PLD3: variants seen among roughly 807,000 people sequenced by gnomAD.
The protein encoded by PLD3 is 5'-3' exonuclease PLD3.
Under a neutral mutation model 58.4 loss-of-function variants are expected in PLD3, and 31 were observed. The ratio of observed to expected loss-of-function variants is 0.53; its 90% CI spans 0.40 to 0.72. The LOEUF (loss-of-function observed/expected upper bound fraction) is 0.72. Among genes scored for constraint, PLD3 ranks in the 30% least tolerant of loss-of-function variants. The probability of loss-of-function intolerance (pLI) is 0.00; values close to 1 mark genes in which losing one functional copy is unlikely to be tolerated. For missense variants in PLD3, 595 were observed against 659.8 expected, an observed-to-expected ratio of 0.90 and a Z score of 1.08; for synonymous variants, 264 against 273.4, an observed-to-expected ratio of 0.97 and a Z score of 0.34.
At chr19:40,361,360 C>T (rs761877181) in intron 1 of PLD3, among the ~76,000 whole-genome samples, 10 of 152,096 alleles carry the variant, frequency 6.6e-5, no homozygotes, top group Non-Finnish European at 1.5e-4. Context: ...ATCCGCCCAC[C>T]TTGGCCTCCC....
At chr19:40,355,430 A>G (rs2078631411) in intron 1 of PLD3, among the ~76,000 whole-genome samples, 1 of 150,654 alleles carries the variant, frequency 6.6e-6, no homozygotes, top group African/African-American at 2.4e-5. Flanking sequence ...CTCCTGCCTC[A>G]CCCTCCCAAG....
At chr19:40,358,773 A>T (rs965416414) in intron 1 of PLD3, 2 of 152,272 alleles carry the variant, frequency 1.3e-5, no homozygotes, top group African/African-American at 4.8e-5. Context: ...ACTCAGCAAG[A>T]AAGTGGCAGA....
At chr19:40,349,699 C>G (rs1472925427) in intron 1 of PLD3, among the ~76,000 whole-genome samples, 2 of 152,202 alleles carry the variant, frequency 1.3e-5, no homozygotes, top group Non-Finnish European at 2.9e-5. Context: ...TGGCTCATGC[C>G]TGTAATCCCA....
intron 1 of PLD3, among the ~76,000 whole-genome samples, chr19:40,351,784 G>A (rs2078522044): frequency 6.6e-6 from 1 of 152,198 alleles, no homozygotes; most frequent in African/African-American, 2.4e-5. Context: ...TGAGGTGGGT[G>A]CCACAGGAGG....
At chr19:40,374,740 C>G (rs1228105326) in intron 10 of PLD3, 120 bp downstream of exon 10, 2 of 1,055,206 alleles carry the variant, frequency 1.9e-6, no homozygotes. Flanking sequence ...AGAGAAGCTG[C>G]AGGGAGAGAC....
chr19:40,364,269 G>A (rs1448321599), intron 1 of PLD3, among the ~76,000 whole-genome samples: 4 of 151,978 alleles, frequency 2.6e-5, no homozygotes, highest in Admixed American at 6.6e-5. Context: ...CAGGAGAATC[G>A]CTTGAAACCA....
At chr19:40,366,115 C>G in intron 2 of PLD3, 185 bp downstream of exon 2, 1 of 353,298 alleles carries the variant, frequency 2.8e-6, no homozygotes, top group Non-Finnish European at 5.2e-6. Context: ...CCTCATCCAG[C>G]GCTGCCTTTC....
chr19:40,374,212 G>C (rs2079136065), intron 9 of PLD3, among the ~76,000 whole-genome samples: 1 of 152,132 alleles, frequency 6.6e-6, no homozygotes, highest in African/African-American at 2.4e-5. Context: ...GAAGCACTGG[G>C]TTAGAGCATA....
In PLD3 at chr19:40,375,383, G is replaced by T. The variant is rs149304829; in HGVS notation, c.1019+763G>T. ...GGATAACAACCGGCCGGACGTGGTGGCTCACACCTGTAATCCCAGCACTTT... is the reference window on the plus strand; with the variant it reads ...GGATAACAACCGGCCGGACGTGGTGTCTCACACCTGTAATCCCAGCACTTT... On this transcript the variant is annotated intron_variant, in intron 10 of 12. Coordinates refer to ENST00000409735, the MANE Select transcript of PLD3 (RefSeq NM_012268.4). Among the ~76,000 whole-genome samples, 310 of 152,014 alleles carry T rather than the reference G, an allele frequency of 2.0e-3. 1 individual carries two copies. Among genetic ancestry groups the T allele is most frequent in the African/African-American group, 7.3e-3 (301 of 41,470 alleles).
chr19:40,374,669 G>A (rs569593658), intron 10 of PLD3, 49 bp downstream of exon 10: 10 of 1,607,538 alleles, frequency 6.2e-6, no homozygotes, highest in Admixed American at 3.3e-5. Flanking sequence ...GCCAGGAGAC[G>A]GGAGAGGGAA....
At position 40,378,045 on chromosome 19, in the gene PLD3, AC is replaced by A; in HGVS notation, c.1346del (p.Thr449SerfsTer17). On this transcript the variant is annotated frameshift_variant, in exon 13 of 13. Transcript: ENST00000409735. LOFTEE classifies it high-confidence loss of function. ...TETAGTSLLVTQNGRGGLRSQ... is the reference protein window; with the variant it reads ...TETAGTSLLVXQNGRGGLRSQ... ...GACGGCGGGCACCTCGCTGCTGGTG[AC>A]GCAGAATGGGAGGGGCGGCCTGCGG... The A allele has an allele frequency of 6.2e-7, 1 of 1,613,848 alleles. No individual in the cohort carries two copies. Among genetic ancestry groups the A allele is most frequent in the Non-Finnish European group, 8.5e-7 (1 of 1,179,862 alleles).
chr19:40,371,834 G>T lies in PLD3; in HGVS notation c.840G>T (p.Glu280Asp), dbSNP rs765927354. 6.2e-7 allele frequency: 1 copy of T among 1,614,150 alleles called. No individual in the cohort carries two copies. Among genetic ancestry groups the T allele is most frequent in the Admixed American group, 1.7e-5 (1 of 60,014 alleles). The change falls in exon 9 of 13, where the codon GAG becomes GAT. Residue 280 changes from glutamate (E) to aspartate (D), a missense_variant. Transcript: ENST00000409735. The part of the protein sequence containing the change: ...DTRYNQETPM[E>D]ICLNGTPALA... The stretch of plus-strand genomic sequence containing the variant: ...GCTACAACCAAGAGACACCAATGGA[G>T]ATCTGCCTCAATGGAACCCCTGCTC...
chr19:40,351,146 G>A (rs565131261), intron 1 of PLD3, among the ~76,000 whole-genome samples: 6 of 152,086 alleles, frequency 3.9e-5, no homozygotes, highest in East Asian at 3.9e-4. Flanking sequence ...TGGGGGGATC[G>A]CTTGAGCCTG....
At chr19:40,355,612 CTTTTTTTTTTTT>C (rs60422933) in intron 1 of PLD3, among the ~76,000 whole-genome samples, 5 of 81,104 alleles carry the variant, frequency 6.2e-5, no homozygotes, top group African/African-American at 1.8e-4. Context: ...GTGCCGGCTC[CTTTTTTTTTTTT>C]TTTTTTTTTT....
chr19:40,371,567 G>A, intron 8 of PLD3, 106 bp from the exon 9 acceptor site: 2 of 675,976 alleles, frequency 3.0e-6, no homozygotes, highest in South Asian at 3.5e-5. Flanking sequence ...TGGGGTGGAG[G>A]GGGTACTGTG....
At chr19:40,372,034 A>C (rs1159118560) in intron 9 of PLD3, among the ~76,000 whole-genome samples, 161 bp downstream of exon 9, 1 of 152,082 alleles carries the variant, frequency 6.6e-6, no homozygotes, top group African/African-American at 2.4e-5. Flanking sequence ...AGTTCCCAAC[A>C]TCCCTCGGCC....
chr19:40,360,791 C>G (rs978188638), intron 1 of PLD3, among the ~76,000 whole-genome samples: 1 of 152,060 alleles, frequency 6.6e-6, no homozygotes, highest in African/African-American at 2.4e-5. Context: ...TGACCTTCTG[C>G]CTGTTCTATC....
intron 8 of PLD3, 112 bp from the exon 9 acceptor site, chr19:40,371,561 G>A: frequency 1.5e-6 from 1 of 654,976 alleles, no homozygotes; most frequent in African/African-American, 1.8e-5. Context: ...TGGAGCTGGG[G>A]TGGAGGGGGT....
intron 1 of PLD3, among the ~76,000 whole-genome samples, chr19:40,350,582 A>G (rs1477602790): frequency 1.3e-5 from 2 of 151,370 alleles, no homozygotes; most frequent in East Asian, 2.0e-4. Flanking sequence ...CATCTCTACT[A>G]AAAATGCAAA....
Sources: gnomAD v4.1 joint callset for allele counts (sites outside exome capture counted in the v4.1 genomes callset) on GRCh38, gnomAD v4.1.1 for gene constraint, MANE v1.5 for transcripts, NCBI Gene and HGNC (gene_info 2026-07-23, HGNC 2026-07-21) for gene names.